The following ZZZ3 variants were observed in gnomAD, a reference collection of about 807,000 sequenced individuals.
The protein encoded by ZZZ3 is zinc finger ZZ-type containing 3, also known as ZZ-type zinc finger-containing protein 3.
ZZZ3 carries 22 observed loss-of-function variants against 95.2 expected under a neutral mutation model. The observed-to-expected ratio is 0.23, with a 90% CI of 0.17 to 0.33. The LOEUF is 0.33. Among genes scored for constraint, ZZZ3 ranks in the 10% least tolerant of loss-of-function variants. The probability of loss-of-function intolerance (pLI) is 1.00; values close to 1 mark genes in which losing one functional copy is unlikely to be tolerated. For synonymous variants in ZZZ3, 335 were observed against 358.9 expected, an observed-to-expected ratio of 0.93 and a Z score of 0.75; for missense variants, 885 against 1,066.5, an observed-to-expected ratio of 0.83 and a Z score of 2.37.
At chr1:77,656,982 A>C (rs1048800241) in intron 1 of ZZZ3, among the ~76,000 whole-genome samples, 3 of 152,084 alleles carry the variant, frequency 2.0e-5, no homozygotes, top group Non-Finnish European at 4.4e-5. Flanking sequence ...TTATTTCTTT[A>C]TTTATTTACT....
At chr1:77,646,386 A>G (rs980341393) in intron 1 of ZZZ3, among the ~76,000 whole-genome samples, 7 of 151,620 alleles carry the variant, frequency 4.6e-5, no homozygotes, top group African/African-American at 1.7e-4. Context: ...ACGCCCAGCT[A>G]ATTTTTGTAT....
chr1:77,627,797 G>T (rs1372639898), intron 5 of ZZZ3, among the ~76,000 whole-genome samples: 2 of 152,146 alleles, frequency 1.3e-5, no homozygotes, highest in Non-Finnish European at 2.9e-5. Context: ...GTTAATCTTT[G>T]TAAGAGCTCA....
intron 1 of ZZZ3, among the ~76,000 whole-genome samples, chr1:77,674,668 T>C (rs1672093225): frequency 1.3e-5 from 2 of 152,192 alleles, no homozygotes; most frequent in East Asian, 3.9e-4. Context: ...AAAAGACACA[T>C]TGGCCGGGTG....
In ZZZ3 at chr1:77,565,525, T is replaced by C; in HGVS notation, c.*115A>G. On this transcript the variant is annotated 3_prime_UTR_variant, in exon 15 of 15. Coordinates refer to ENST00000370801, the MANE Select transcript of ZZZ3 (RefSeq NM_015534.6). Reference sequence around the variant, plus strand: ...GACGAGAACACTCAGGAAGCTCTCATGCTGTGAGTGTCATTTCTGGGAAAG... The same window carrying C: ...GACGAGAACACTCAGGAAGCTCTCACGCTGTGAGTGTCATTTCTGGGAAAG... 2.6e-6 allele frequency: 3 copies of C among 1,141,578 alleles called. No homozygotes were observed. The highest frequency in any genetic ancestry group is 2.4e-5 in the East Asian group (1 of 41,126). The allele number at this position is 1,141,578 out of a possible 1,614,324, so 70.7% of individuals were successfully genotyped here.
At chr1:77,572,529 G>A (rs943720284) in intron 12 of ZZZ3, among the ~76,000 whole-genome samples, 1 of 151,862 alleles carries the variant, frequency 6.6e-6, no homozygotes, top group Non-Finnish European at 1.5e-5. Flanking sequence ...TAGTAGAGAC[G>A]GGGTTTCACC....
chr1:77,675,152 A>G (rs1030029427), intron 1 of ZZZ3, among the ~76,000 whole-genome samples: 1 of 152,122 alleles, frequency 6.6e-6, no homozygotes, highest in Non-Finnish European at 1.5e-5. Flanking sequence ...TTCAAGGGCT[A>G]TTAGTGGATA....
intron 10 of ZZZ3, 135 bp downstream of exon 10, chr1:77,579,392 A>T (rs943830877): frequency 2.6e-5 from 15 of 568,640 alleles, no homozygotes; most frequent in African/African-American, 5.9e-5. Flanking sequence ...CAATTTTTTT[A>T]AAAAAACACC....
At chr1:77,646,579 T>C (rs1669298573) in intron 1 of ZZZ3, among the ~76,000 whole-genome samples, 1 of 152,128 alleles carries the variant, frequency 6.6e-6, no homozygotes. Context: ...TGATATGTCA[T>C]TCTCCTACCT....
intron 14 of ZZZ3, 89 bp from the exon 15 acceptor site, chr1:77,565,873 T>G: frequency 7.6e-7 from 1 of 1,320,968 alleles, no homozygotes; most frequent in East Asian, 2.5e-5. Context: ...CTCTCCCTGT[T>G]TAAATCCATT....
chr1:77,577,745 C>T (rs540968850), intron 11 of ZZZ3, among the ~76,000 whole-genome samples: 7 of 152,152 alleles, frequency 4.6e-5, no homozygotes, highest in African/African-American at 1.2e-4. Flanking sequence ...ATTACAAGAA[C>T]GAACAGCTGG....
intron 1 of ZZZ3, among the ~76,000 whole-genome samples, chr1:77,648,271 C>A (rs1008858167): frequency 1.3e-5 from 2 of 150,724 alleles, no homozygotes. Flanking sequence ...TTTGCTTGAA[C>A]CCAGGAGGTT....
chr1:77,618,081 T>C (rs1473620253), intron 5 of ZZZ3, among the ~76,000 whole-genome samples: 1 of 152,166 alleles, frequency 6.6e-6, no homozygotes, highest in African/African-American at 2.4e-5. Context: ...AGTGTTTCCA[T>C]ATCTTATTTT....
chr1:77,661,869 T>C (rs278852), intron 1 of ZZZ3, among the ~76,000 whole-genome samples: 34,187 of 151,772 alleles, frequency 0.23, 4,050 homozygotes, highest in South Asian at 0.38. Context: ...CAGGCTAGAG[T>C]GCAGTGACAC....
chr1:77,609,136 A>C (rs1234928073), intron 5 of ZZZ3, among the ~76,000 whole-genome samples: 2 of 152,174 alleles, frequency 1.3e-5, no homozygotes, highest in African/African-American at 2.4e-5. Context: ...TGCTGCCTAC[A>C]AGAAACACAC....
chr1:77,591,145 C>T (rs181135923), intron 5 of ZZZ3, among the ~76,000 whole-genome samples: 188 of 133,644 alleles, frequency 1.4e-3, no homozygotes, highest in African/African-American at 4.8e-3. Context: ...CATAAGGTGA[C>T]GTAACGATAA....
chr1:77,648,558 A>AT (rs2100948824), intron 1 of ZZZ3, among the ~76,000 whole-genome samples: 1 of 152,284 alleles, frequency 6.6e-6, no homozygotes, highest in East Asian at 1.9e-4. Context: ...ATGTGAATTG[A>AT]TTCTTCTACT....
chr1:77,670,072 A>ACCC (rs5775412), intron 1 of ZZZ3, among the ~76,000 whole-genome samples: 4 of 113,842 alleles, frequency 3.5e-5, no homozygotes, highest in Non-Finnish European at 7.7e-5. Context: ...AAATATTGTG[A>ACCC]CCCCCCCCCC....
At chr1:77,621,384 A>G (rs539835401) in intron 5 of ZZZ3, among the ~76,000 whole-genome samples, 165 of 151,422 alleles carry the variant, frequency 1.1e-3, no homozygotes, top group South Asian at 4.6e-3. Context: ...TCAAGGCTGC[A>G]GTGAGCCATG....
intron 1 of ZZZ3, among the ~76,000 whole-genome samples, chr1:77,668,919 T>A (rs1247007864): frequency 6.6e-6 from 1 of 152,158 alleles, no homozygotes; most frequent in Non-Finnish European, 1.5e-5. Flanking sequence ...TCAGAAGCTC[T>A]GATCTTTATT....
Sources: gnomAD v4.1 joint callset for allele counts (sites outside exome capture counted in the v4.1 genomes callset) on GRCh38, gnomAD v4.1.1 for gene constraint, MANE v1.5 for transcripts, NCBI Gene and HGNC (gene_info 2026-07-23, HGNC 2026-07-21) for gene names.